The following ABI3BP variants were observed in gnomAD, a reference collection of about 807,000 sequenced individuals.
ABI3BP encodes the protein target of Nesh-SH3.
A neutral mutation model predicts 268.6 loss-of-function variants in ABI3BP; 216 were observed. The observed-to-expected ratio is 0.80, with a 90% CI of 0.72 to 0.90. The LOEUF is 0.90. Ranked by LOEUF, ABI3BP falls within the 40% of genes least tolerant of loss-of-function variation. The probability of loss-of-function intolerance (pLI) is 0.00; values close to 1 mark genes in which losing one functional copy is unlikely to be tolerated. For missense variants in ABI3BP, 2,090 were observed against 2,182.4 expected (o/e 0.96, Z 0.84); for synonymous variants, 730 against 730.0 (o/e 1.00, Z 0.00).
In ABI3BP at chr3:100,850,080, A is replaced by G. The variant is rs2153028176; in HGVS notation, c.1466T>C (p.Ile489Thr). 2 of 1,611,502 alleles carry G rather than the reference A, an allele frequency of 1.2e-6. No individual in the cohort carries two copies. Among genetic ancestry groups the G allele is most frequent in the South Asian group, 1.1e-5 (1 of 90,158 alleles). ...AGGCTGCATTTCTGGACTGGTAAAG[A>G]TTTCCAGTTTTTGAGGAACAAATGG... is the stretch of plus-strand genomic sequence containing the variant. ...ETPFVPQKLEIFTSPEMQPTT... is the reference protein window; with the variant it reads ...ETPFVPQKLETFTSPEMQPTT... Residue 489 changes from isoleucine to threonine, a missense_variant, in exon 17 of 68, where the codon ATC (isoleucine) becomes ACC (threonine). Transcript: ENST00000471714.
chr3:100,850,752 A>C lies in ABI3BP; in HGVS notation c.1352-18T>G. The stretch of plus-strand genomic sequence containing the variant: ...ACTTGTTGCTGTTGGAATAAATGTC[A>C]ACATTTGTAAAAGCAGTAGAAGGCC... On this transcript the variant is annotated intron_variant, in intron 15 of 67. Transcript: ENST00000471714. 6.3e-7 allele frequency: 1 copy of C among 1,595,070 alleles called. No homozygotes were observed. The highest frequency in any genetic ancestry group is 1.1e-5 in the South Asian group (1 of 90,430).
Position 100,808,168 on chromosome 3 carries a change from T to C in ABI3BP, c.3675A>G (p.Thr1225=). 1.9e-6 allele frequency: 3 copies of C among 1,611,210 alleles called. No individual in the cohort carries two copies. The highest frequency in any genetic ancestry group is 2.5e-6 in the Non-Finnish European group (3 of 1,178,206). Residue 1225 remains threonine (T), a synonymous_variant, in exon 50 of 68, where the codon ACA becomes ACG. Coordinates refer to ENST00000471714, the MANE Select transcript of ABI3BP (RefSeq NM_001375547.2). ...TGTAAAATATATATTTACCTGGTTGTGTTTGTGGGATTCTTGGGCGTGGTG... is the reference window on the plus strand; with the variant it reads ...TGTAAAATATATATTTACCTGGTTGCGTTTGTGGGATTCTTGGGCGTGGTG... ...KTSPRPRIPQ[T]QPVPKVPQRV...
chr3:100,867,636 G>A (rs112745775), intron 9 of ABI3BP, among the ~76,000 whole-genome samples: 127 of 49,180 alleles, frequency 2.6e-3, no homozygotes, highest in African/African-American at 8.6e-3. Context: ...GCGAGACCCC[G>A]TCTCAAAAAA....
intron 2 of ABI3BP, 100 bp from the exon 3 acceptor site, chr3:100,902,786 A>G: frequency 1.1e-6 from 1 of 948,694 alleles, no homozygotes; most frequent in East Asian, 2.6e-5. Context: ...GTCATCCTCC[A>G]TAACCGCAGC....
At chr3:100,957,320 T>C (rs1326940865) in intron 1 of ABI3BP, among the ~76,000 whole-genome samples, 2 of 152,158 alleles carry the variant, frequency 1.3e-5, no homozygotes, top group Non-Finnish European at 2.9e-5. Context: ...AATGGAAAGA[T>C]AGAGTTGTCT....
intron 51 of ABI3BP, among the ~76,000 whole-genome samples, chr3:100,803,355 C>G (rs1045986651): frequency 7.1e-6 from 1 of 140,100 alleles, no homozygotes; most frequent in African/African-American, 2.5e-5. Flanking sequence ...GTGGTCCGCT[C>G]TTTATAACTT....
intron 61 of ABI3BP, among the ~76,000 whole-genome samples, chr3:100,771,295 C>T (rs1328907640): frequency 6.6e-6 from 1 of 151,928 alleles, no homozygotes; most frequent in Admixed American, 6.6e-5. Flanking sequence ...AGTTCTGGTC[C>T]CACTCAATAA....
At chr3:100,828,502 T>A in intron 33 of ABI3BP, 50 bp from the exon 34 acceptor site, 1 of 1,457,670 alleles carries the variant, frequency 6.9e-7, no homozygotes, top group Non-Finnish European at 9.3e-7. Context: ...TAAAAATTTA[T>A]AAAAACTCAG....
rs77503127 is a variant in ABI3BP at position 100,985,570 on chromosome 3, G to A, written c.79+7736C>T. Among the ~76,000 whole-genome samples the A allele has an allele frequency of 2.0e-5, 3 of 151,818 alleles. No individual in the cohort carries two copies. In the East Asian group the frequency reaches 5.8e-4, roughly 29 times the overall value. On this transcript the variant is annotated intron_variant, in intron 1 of 67. Coordinates refer to ENST00000471714, the MANE Select transcript of ABI3BP (RefSeq NM_001375547.2). Reference sequence around the variant, plus strand: ...AAGAGATGGTGTCAGGGATAAAAGCGTTTTTTCTATTTTGGAGGAATTTTG... The same window carrying A: ...AAGAGATGGTGTCAGGGATAAAAGCATTTTTTCTATTTTGGAGGAATTTTG...
chr3:100,971,075 A>G (rs1353277386), intron 1 of ABI3BP, among the ~76,000 whole-genome samples: 5 of 152,186 alleles, frequency 3.3e-5, no homozygotes, highest in Non-Finnish European at 7.3e-5. Flanking sequence ...TTTCTGGATT[A>G]AACATACAGC....
At chr3:100,916,306 C>T (rs1343051631) in intron 2 of ABI3BP, among the ~76,000 whole-genome samples, 2 of 152,202 alleles carry the variant, frequency 1.3e-5, no homozygotes, top group African/African-American at 4.8e-5. Flanking sequence ...AAGTCAAAGC[C>T]GTCAAATCAG....
chr3:100,794,894 C>T (rs1389377546), intron 54 of ABI3BP, 29 bp downstream of exon 54: 2 of 1,510,344 alleles, frequency 1.3e-6, no homozygotes, highest in Non-Finnish European at 1.8e-6. Flanking sequence ...GGCAAGCTCT[C>T]TTTGAACAAA....
intron 1 of ABI3BP, among the ~76,000 whole-genome samples, chr3:100,937,112 A>C (rs1430547630): frequency 1.3e-5 from 2 of 152,178 alleles, no homozygotes; most frequent in South Asian, 4.1e-4. Flanking sequence ...CTTTTGGTTA[A>C]TATCATGAGT....
chr3:100,840,123 G>T lies in ABI3BP; in HGVS notation c.1846C>A (p.Arg616Ser). The change falls in exon 23 of 68, where the codon CGT becomes AGT. Residue 616 changes from arginine to serine, a missense_variant. By Grantham distance (110) the Arg-to-Ser change is moderately radical. Coordinates refer to ENST00000471714, the MANE Select transcript of ABI3BP (RefSeq NM_001375547.2). Reference protein sequence around the residue: ...TKRPGRRPRPRPRPKTTPSPE... With the variant: ...TKRPGRRPRPSPRPKTTPSPE... ...CTAGGTGTGGTTTTAGGGCGGGGAC[G>T]GGGGCGGGGGCGACGACCTGGTCTT... is the stretch of plus-strand genomic sequence containing the variant. The T allele has an allele frequency of 6.5e-7, 1 of 1,527,442 alleles. No individual in the cohort carries two copies. 94.6% of individuals were successfully genotyped at this position (1,527,442 alleles called of 1,614,324 possible). A position where few individuals can be genotyped will look rare whatever the true frequency, so the allele number is the denominator to read the frequency against.
chr3:100,805,514 C>A (rs1269031082), intron 50 of ABI3BP, among the ~76,000 whole-genome samples: 1 of 152,054 alleles, frequency 6.6e-6, no homozygotes, highest in Non-Finnish European at 1.5e-5. Context: ...ATAGTGTATT[C>A]TATGATTTCA....
At chr3:100,952,494 TA>T (rs2075423736) in intron 1 of ABI3BP, 1 of 152,208 alleles carries the variant, frequency 6.6e-6, no homozygotes, top group Non-Finnish European at 1.5e-5. Flanking sequence ...AGAGAAAAAT[TA>T]AACACTCTAA....
intron 1 of ABI3BP, among the ~76,000 whole-genome samples, chr3:100,936,913 C>T (rs1187658431): frequency 1.3e-5 from 2 of 151,870 alleles, no homozygotes; most frequent in Non-Finnish European, 2.9e-5. Context: ...TTTTGTTGAT[C>T]TTTTCAAAGA....
intron 2 of ABI3BP, chr3:100,911,261 T>A (rs2056336331): frequency 3.2e-6 from 1 of 316,270 alleles, no homozygotes; most frequent in African/African-American, 2.2e-5. Flanking sequence ...AGGTTGTTGT[T>A]ACAGCTTTTA....
At chr3:100,758,333 T>C (rs912731194) in intron 63 of ABI3BP, among the ~76,000 whole-genome samples, 54 of 152,208 alleles carry the variant, frequency 3.5e-4, no homozygotes, top group African/African-American at 1.3e-3. Flanking sequence ...ACGGGGGCTA[T>C]AAAAGCATCT....
Sources: gnomAD v4.1 joint callset for allele counts (sites outside exome capture counted in the v4.1 genomes callset) on GRCh38, gnomAD v4.1.1 for gene constraint, MANE v1.5 for transcripts, NCBI Gene and HGNC (gene_info 2026-07-23, HGNC 2026-07-21) for gene names.